The following MYO7A variants were observed in gnomAD, a reference collection of about 807,000 sequenced individuals.
MYO7A encodes the protein myosin VIIA.
In MYO7A, 210 loss-of-function variants were observed where a neutral mutation model predicts 263.8. The ratio of observed to expected loss-of-function variants is 0.80; its 90% CI spans 0.71 to 0.89. The LOEUF (loss-of-function observed/expected upper bound fraction) is 0.89. Among genes scored for constraint, MYO7A ranks in the 40% least tolerant of loss-of-function variants. The pLI is 0.00. For synonymous variants in MYO7A, 1,239 were observed against 1,197.3 expected (o/e 1.03, Z -0.72); for missense variants, 2,820 against 2,968.3 (o/e 0.95, Z 1.16).
intron 21 of MYO7A, 58 bp from the exon 22 acceptor site, chr11:77,180,316 A>G: frequency 6.8e-7 from 1 of 1,467,076 alleles, no homozygotes; most frequent in East Asian, 2.4e-5. Context: ...GCTGGTGGGA[A>G]TCCCTGCAAC....
intron 2 of MYO7A, among the ~76,000 whole-genome samples, chr11:77,132,118 C>T (rs1281781306): frequency 2.6e-5 from 4 of 152,036 alleles, no homozygotes; most frequent in Non-Finnish European, 4.4e-5. Context: ...ACATCCTTCC[C>T]GGTCCTGAAA....
intron 19 of MYO7A, among the ~76,000 whole-genome samples, chr11:77,178,160 C>T (rs1555081181): frequency 1.9e-4 from 2 of 10,484 alleles, no homozygotes; most frequent in Admixed American, 1.1e-3. Context: ...CACCCACCTA[C>T]CTATCCATCC....
At chr11:77,159,763 G>C (rs889894061) in intron 10 of MYO7A, among the ~76,000 whole-genome samples, 1 of 152,202 alleles carries the variant, frequency 6.6e-6, no homozygotes, top group Non-Finnish European at 1.5e-5. Flanking sequence ...TGTGACCCTG[G>C]GTGAGTCATC....
chr11:77,206,449 C>G (rs1264221343), intron 41 of MYO7A, among the ~76,000 whole-genome samples: 1 of 152,222 alleles, frequency 6.6e-6, no homozygotes, highest in East Asian at 1.9e-4. Context: ...CCCTCCCTGT[C>G]TCTGAGGAGG....
intron 15 of MYO7A, among the ~76,000 whole-genome samples, chr11:77,169,965 A>G (rs1953927187): frequency 6.6e-6 from 1 of 152,186 alleles, no homozygotes; most frequent in African/African-American, 2.4e-5. Context: ...AGTCCCAGCT[A>G]TTCAGGAGGC....
rs373624168 is a variant in MYO7A, at chr11:77,192,308, G to A, written c.4152+30G>A. On this transcript the variant is annotated intron_variant, in intron 31 of 48. Coordinates refer to ENST00000409709, the MANE Select transcript of MYO7A (RefSeq NM_000260.4). The stretch of plus-strand genomic sequence containing the variant: ...GTGGGAGGGAATCTTCCGCCAGGCT[G>A]GCTTGGCTCACAGCCTCCTGCTTTC... The A allele has an allele frequency of 2.4e-5, 39 of 1,604,216 alleles. No homozygotes were observed. In the African/African-American group the frequency reaches 4.5e-4, roughly 19 times the overall value.
At chr11:77,173,648 G>A (rs1954347782) in intron 16 of MYO7A, among the ~76,000 whole-genome samples, 1 of 152,158 alleles carries the variant, frequency 6.6e-6, no homozygotes, top group Non-Finnish European at 1.5e-5. Flanking sequence ...GGGAGGCACA[G>A]GGGGAAGCTG....
At chr11:77,214,028 G>C (rs748268528) in intron 48 of MYO7A, 49 bp downstream of exon 48, 30 of 1,611,412 alleles carry the variant, frequency 1.9e-5, no homozygotes, top group Non-Finnish European at 2.5e-5. Context: ...CTTGCCTGCA[G>C]CGTAGCCAGC....
At position 77,189,394 on chromosome 11, in the gene MYO7A, A is replaced by G; in HGVS notation, c.3554A>G (p.Lys1185Arg). The G allele has an allele frequency of 3.1e-6, 5 of 1,613,844 alleles. No homozygotes were observed. The highest frequency in any genetic ancestry group is 4.2e-6 in the Non-Finnish European group (5 of 1,179,886). ...ISKQLTHNPSKSSYARGWILV... is the reference protein window; with the variant it reads ...ISKQLTHNPSRSSYARGWILV... ...AAGCAGCTGACCCACAACCCCTCCAAGAGCAGCTATGCCCGGGGCTGGATT... is the reference window on the plus strand; with the variant it reads ...AAGCAGCTGACCCACAACCCCTCCAGGAGCAGCTATGCCCGGGGCTGGATT... Residue 1185 changes from lysine (K) to arginine (R), a missense_variant, in exon 28 of 49, where the codon AAG (lysine) becomes AGG (arginine). Physicochemically the swap from Lys to Arg is conservative, Grantham distance 26. Coordinates refer to ENST00000409709, the MANE Select transcript of MYO7A (RefSeq NM_000260.4).
At chr11:77,159,591 G>C (rs916219817) in intron 10 of MYO7A, 68 bp downstream of exon 10, 2 of 1,475,380 alleles carry the variant, frequency 1.4e-6, no homozygotes, top group Non-Finnish European at 1.9e-6. Context: ...AAGCTCATTG[G>C]GGGCTGGGAT....
chr11:77,166,875 AC>A (rs1953598495), intron 15 of MYO7A, among the ~76,000 whole-genome samples: 1 of 151,534 alleles, frequency 6.6e-6, no homozygotes, highest in African/African-American at 2.4e-5. Flanking sequence ...TGGTTTTGTG[AC>A]CCACCACATT....
intron 3 of MYO7A, among the ~76,000 whole-genome samples, chr11:77,143,354 T>C (rs1951343928): frequency 1.3e-5 from 2 of 152,242 alleles, no homozygotes; most frequent in South Asian, 4.1e-4. Context: ...ACAGCCTCAC[T>C]GTGTTGGGTT....
chr11:77,162,380 C>T, intron 13 of MYO7A, 50 bp downstream of exon 13: 1 of 1,510,720 alleles, frequency 6.6e-7, no homozygotes, highest in Non-Finnish European at 9.0e-7. Flanking sequence ...CGCACAGCTT[C>T]CTTCCCTGCT....
At position 77,214,699 on chromosome 11, in the gene MYO7A, A is replaced by T; in HGVS notation, c.*3A>T. 4 of 1,563,628 alleles carry T rather than the reference A, an allele frequency of 2.6e-6. No individual in the cohort carries two copies. Among genetic ancestry groups the T allele is most frequent in the Non-Finnish European group, 3.5e-6 (4 of 1,153,896 alleles). On this transcript the variant is annotated 3_prime_UTR_variant, in exon 49 of 49. Coordinates refer to ENST00000409709, the MANE Select transcript of MYO7A (RefSeq NM_000260.4). The stretch of plus-strand genomic sequence containing the variant: ...GGGGCTCCAGGAGCGGCAAGTGAAC[A>T]GTCACGGGGAGGTGCTGGTTCCATG...
At position 77,162,212 on chromosome 11, in the gene MYO7A, T is replaced by G. The variant is rs1555069419; in HGVS notation, c.1436T>G (p.Leu479Arg). 8 of 1,587,078 alleles carry G rather than the reference T, an allele frequency of 5.0e-6. No individual in the cohort carries two copies. The East Asian group carries it at 1.6e-4, about 32-fold the overall frequency. ...AAGCTGGAGCAGGAGGAATATGACC[T>G]GGAGAGCATTGACTGGCTGCACATC... is the stretch of plus-strand genomic sequence containing the variant. ...VFKLEQEEYD[L>R]ESIDWLHIEF... The change falls in exon 13 of 49, where the codon CTG (leucine) becomes CGG (arginine). Residue 479 changes from leucine (L) to arginine (R), a missense_variant. Coordinates refer to ENST00000409709, the MANE Select transcript of MYO7A (RefSeq NM_000260.4).
chr11:77,183,266 ACTGT>A (rs1955410140), intron 26 of MYO7A, 109 bp downstream of exon 26: 1 of 932,744 alleles, frequency 1.1e-6, no homozygotes, highest in Non-Finnish European at 1.7e-6. Flanking sequence ...AGGAGTGGAC[ACTGT>A]CTGTCCTCAG....
chr11:77,139,199 T>C (rs1311928240), intron 2 of MYO7A, among the ~76,000 whole-genome samples: 1 of 152,146 alleles, frequency 6.6e-6, no homozygotes, highest in Non-Finnish European at 1.5e-5. Flanking sequence ...GCGTTAGTGG[T>C]GGAGCTGGGA....
rs748080151 is a variant in MYO7A at position 77,205,475 on chromosome 11, C to T, written c.5494C>T (p.Arg1832Trp). The T allele has an allele frequency of 1.0e-5, 16 of 1,575,956 alleles. No individual in the cohort carries two copies. Among genetic ancestry groups the T allele is most frequent in the Non-Finnish European group, 1.2e-5 (14 of 1,161,488 alleles). The change falls in exon 40 of 49, where the codon CGG becomes TGG. Residue 1832 changes from arginine to tryptophan, a missense_variant. Transcript: ENST00000409709. Reference sequence around the variant, plus strand: ...CTCCTCCTGCAGGTACAGCGAGGAGCGGGGTTGGGAGCTGCTCTGGCTGTG... The same window carrying T: ...CTCCTCCTGCAGGTACAGCGAGGAGTGGGGTTGGGAGCTGCTCTGGCTGTG... ...TDNHIRYSEE[R>W]GWELLWLCTG...
intron 1 of MYO7A, among the ~76,000 whole-genome samples, chr11:77,129,981 G>GGGCCCA (rs1177798204): frequency 1.4e-4 from 21 of 148,288 alleles, no homozygotes; most frequent in African/African-American, 4.9e-4. Context: ...GCCCGGGCCC[G>GGGCCCA]GGCCCAGGCC....
Sources: allele counts gnomAD v4.1 joint callset (sites outside exome capture counted in the v4.1 genomes callset), GRCh38; gene constraint gnomAD v4.1.1; transcripts MANE v1.5; gene names NCBI Gene and HGNC (gene_info 2026-07-23, HGNC 2026-07-21).